CCNY: variants seen among roughly 807,000 people sequenced by gnomAD.
CCNY encodes the protein cyclin-Y.
In CCNY, 19 loss-of-function variants were observed where a neutral mutation model predicts 42.8. That is an observed-to-expected ratio of 0.44 (90% CI 0.31 to 0.65). The LOEUF (loss-of-function observed/expected upper bound fraction) is 0.65. Among genes scored for constraint, CCNY ranks in the 30% least tolerant of loss-of-function variants. CCNY has a pLI of 0.07. For missense variants in CCNY, 370 were observed against 437.3 expected, an observed-to-expected ratio of 0.85 and a Z score of 1.37; for synonymous variants, 165 against 162.7, an observed-to-expected ratio of 1.01 and a Z score of -0.11.
chr10:35,517,249 C>T (rs561333083), intron 4 of CCNY, among the ~76,000 whole-genome samples: 3 of 152,230 alleles, frequency 2.0e-5, no homozygotes, highest in South Asian at 2.1e-4. Flanking sequence ...CTTTCCCTTA[C>T]GGTGCTTCAG....
At chr10:35,443,094 C>T (rs1838710043) in intron 1 of CCNY, among the ~76,000 whole-genome samples, 2 of 152,156 alleles carry the variant, frequency 1.3e-5, no homozygotes, top group African/African-American at 2.4e-5. Context: ...GCCTGTTTAC[C>T]ATCTCCATGA....
At chr10:35,568,721 T>G (rs1841622292) in intron 9 of CCNY, among the ~76,000 whole-genome samples, 1 of 152,188 alleles carries the variant, frequency 6.6e-6, no homozygotes, top group Admixed American at 6.5e-5. Flanking sequence ...CGCCAAGGAT[T>G]CAAAACAGCA....
Position 35,265,549 on chromosome 10 carries a change from C to T in CCNY, c.-9+14923C>T, listed in dbSNP as rs375539628. On this transcript the variant is annotated intron_variant, in intron 3 of 11. Transcript: ENST00000374706. ...CCTCTTGCCTGCAGTGAGCCCTGTGCGCTAGGTCTTGACCGTGCAGCCAGC... is the reference window on the plus strand; with the variant it reads ...CCTCTTGCCTGCAGTGAGCCCTGTGTGCTAGGTCTTGACCGTGCAGCCAGC... Among the ~76,000 whole-genome samples, 14 of 152,300 alleles carry T rather than the reference C, an allele frequency of 9.2e-5. No individual in the cohort carries two copies. The East Asian group carries it at 2.5e-3, about 27-fold the overall frequency.
intron 2 of CCNY, among the ~76,000 whole-genome samples, chr10:35,491,485 C>G (rs1284954747): frequency 1.3e-5 from 2 of 152,158 alleles, no homozygotes; most frequent in African/African-American, 4.8e-5. Flanking sequence ...AGCATGTGTT[C>G]CAGAGATGTT....
intron 1 of CCNY, among the ~76,000 whole-genome samples, chr10:35,405,957 A>T (rs555494637): frequency 3.9e-5 from 6 of 152,174 alleles, no homozygotes; most frequent in Admixed American, 1.3e-4. Context: ...ATCCTGGGGG[A>T]GGAAGTTCTA....
At chr10:35,310,900 G>A (rs755024574) in intron 3 of CCNY, among the ~76,000 whole-genome samples, 16 of 152,102 alleles carry the variant, frequency 1.1e-4, no homozygotes, top group Admixed American at 2.6e-4. Flanking sequence ...TAGTACTTTG[G>A]GAGGCCAAGG....
At chr10:35,418,699 C>T (rs1226232537) in intron 1 of CCNY, among the ~76,000 whole-genome samples, 3 of 152,062 alleles carry the variant, frequency 2.0e-5, no homozygotes, top group African/African-American at 4.8e-5. Flanking sequence ...CTAGCAATTC[C>T]CAGTGAGGCT....
In CCNY at chr10:35,301,954, A is replaced by AT. The variant is rs202192370; in HGVS notation, c.-9+51331dup. ...AGCCTTCATTGTTATTTTTTATTTT[A>AT]TTTATTTATTTATTTATTTATTTTT... On this transcript the variant is annotated intron_variant, in intron 3 of 11. Coordinates refer to the CCNY transcript ENST00000374706. 4.6e-3 allele frequency among the ~76,000 whole-genome samples: 682 copies of AT among 148,856 alleles called. 4 individuals carry two copies. The highest frequency in any genetic ancestry group is 0.016 in the African/African-American group (640 of 40,568).
chr10:35,362,878 A>G (rs1250946525), intron 1 of CCNY, among the ~76,000 whole-genome samples: 3 of 150,322 alleles, frequency 2.0e-5, no homozygotes, highest in African/African-American at 7.4e-5. Context: ...GCAGCCAGGC[A>G]GAGGTACTCC....
intron 3 of CCNY, among the ~76,000 whole-genome samples, chr10:35,297,173 T>C (rs150433372): frequency 6.3e-4 from 94 of 148,996 alleles, no homozygotes; most frequent in African/African-American, 2.1e-3. Flanking sequence ...AAAAAATATA[T>C]ACAAATTAAA....
intron 3 of CCNY, among the ~76,000 whole-genome samples, chr10:35,290,406 A>G (rs549019019): frequency 2.7e-4 from 41 of 150,354 alleles, no homozygotes; most frequent in African/African-American, 8.6e-4. Context: ...ACAGAGTGAG[A>G]CTCTGTCTTA....
At chr10:35,426,209 A>G (rs1486244701) in intron 1 of CCNY, among the ~76,000 whole-genome samples, 2 of 145,552 alleles carry the variant, frequency 1.4e-5, no homozygotes, top group African/African-American at 2.6e-5. Flanking sequence ...CATTCTCACA[A>G]CCCATTCACA....
intron 7 of CCNY, among the ~76,000 whole-genome samples, chr10:35,548,334 T>G (rs1449962185): frequency 6.7e-6 from 1 of 149,530 alleles, no homozygotes; most frequent in Non-Finnish European, 1.5e-5. Flanking sequence ...AATCTCGCTG[T>G]GTCACCCAGG....
Position 35,282,922 on chromosome 10 carries a change from C to T in CCNY, c.-9+32296C>T, listed in dbSNP as rs114918891. Among the ~76,000 whole-genome samples, 625 of 152,072 alleles carry T rather than the reference C, an allele frequency of 4.1e-3. 6 individuals are homozygous for T. The highest frequency in any genetic ancestry group is 0.014 in the African/African-American group (598 of 41,504). Reference sequence around the variant, plus strand: ...TTACGGTGCCCAAGCTTAGTGCGCCCGAGAGAGTTCCAGCTTGTAATTACA... The same window carrying T: ...TTACGGTGCCCAAGCTTAGTGCGCCTGAGAGAGTTCCAGCTTGTAATTACA... On this transcript the variant is annotated intron_variant, in intron 3 of 11. Coordinates refer to the CCNY transcript ENST00000374706.
At chr10:35,549,547 G>C (rs76105579) in intron 7 of CCNY, among the ~76,000 whole-genome samples, 10 of 133,524 alleles carry the variant, frequency 7.5e-5, no homozygotes, top group African/African-American at 1.2e-4. Flanking sequence ...TGACCCTACA[G>C]TGCTCGTGAC....
intron 1 of CCNY, among the ~76,000 whole-genome samples, chr10:35,390,044 A>G (rs1428141318): frequency 1.3e-5 from 2 of 152,330 alleles, no homozygotes; most frequent in Non-Finnish European, 1.5e-5. Flanking sequence ...CCTACCAGGC[A>G]TTCATTGGCT....
intron 3 of CCNY, among the ~76,000 whole-genome samples, chr10:35,282,698 G>A (rs1358622964): frequency 7.5e-5 from 11 of 147,378 alleles, no homozygotes; most frequent in East Asian, 2.0e-4. Context: ...ACTCCAGCCC[G>A]GGCAACAGTG....
chr10:35,479,688 G>T (rs1589148671), intron 1 of CCNY, among the ~76,000 whole-genome samples: 1 of 150,854 alleles, frequency 6.6e-6, no homozygotes, highest in Non-Finnish European at 1.5e-5. Flanking sequence ...CAGCACACCA[G>T]CATGGCACAT....
At chr10:35,522,890 C>T (rs956467132) in intron 4 of CCNY, among the ~76,000 whole-genome samples, 2 of 152,102 alleles carry the variant, frequency 1.3e-5, no homozygotes, top group Non-Finnish European at 2.9e-5. Flanking sequence ...CCGGTGAGGC[C>T]CCCAGTGGAC....
Sources: allele counts gnomAD v4.1 joint callset (sites outside exome capture counted in the v4.1 genomes callset), GRCh38; gene constraint gnomAD v4.1.1; transcripts MANE v1.5; gene names NCBI Gene and HGNC (gene_info 2026-07-23, HGNC 2026-07-21).